The following ARHGEF28 variants were observed in gnomAD, a reference collection of about 807,000 sequenced individuals.
ARHGEF28 encodes the protein Rho guanine nucleotide exchange factor 28.
Under a neutral mutation model 206.6 loss-of-function variants are expected in ARHGEF28, and 152 were observed. That is an observed-to-expected ratio of 0.74 (90% CI 0.64 to 0.84). The LOEUF (loss-of-function observed/expected upper bound fraction) is 0.84. ARHGEF28 is among the 40% of genes least tolerant of loss of function. The probability of loss-of-function intolerance (pLI) is 0.00; values close to 1 mark genes in which losing one functional copy is unlikely to be tolerated. For missense variants in ARHGEF28, 2,028 were observed against 2,073.2 expected, an observed-to-expected ratio of 0.98 and a Z score of 0.42; for synonymous variants, 763 against 776.4, an observed-to-expected ratio of 0.98 and a Z score of 0.29.
At chr5:73,902,737 A>G (rs1207317044) in intron 31 of ARHGEF28, 1 of 152,250 alleles carries the variant, frequency 6.6e-6, no homozygotes. Context: ...TTAAACATTT[A>G]CCACAAGGTG....
intron 35 of ARHGEF28, among the ~76,000 whole-genome samples, chr5:73,929,671 T>C (rs1165748000): frequency 2.0e-5 from 3 of 152,216 alleles, no homozygotes; most frequent in African/African-American, 7.2e-5. Flanking sequence ...ATTTCAGATC[T>C]TCGCCTTTTT....
intron 10 of ARHGEF28, among the ~76,000 whole-genome samples, chr5:73,833,504 A>G (rs150905981): frequency 5.9e-5 from 9 of 152,120 alleles, no homozygotes; most frequent in Middle Eastern, 3.4e-3. Context: ...ATCAGAATGG[A>G]CTTCAGCTGT....
In ARHGEF28 at chr5:73,840,759, A is replaced by C; in HGVS notation, c.1426A>C (p.Ser476Arg). 1 of 1,605,936 alleles carries C rather than the reference A, an allele frequency of 6.2e-7. No homozygotes were observed. Among genetic ancestry groups the C allele is most frequent in the Non-Finnish European group, 8.5e-7 (1 of 1,175,618 alleles). ...GGAACAAAGTCATCTAAAGAAAAGA[A>C]GGTAAGAGTCTATATTGTAGAGGAA... ...EKEQSHLKKRSSSLDALDADS... is the reference protein window; with the variant it reads ...EKEQSHLKKRRSSLDALDADS... Residue 476 changes from serine to arginine, a missense_variant and splice_region_variant, in exon 11 of 36, where the codon AGT becomes CGT. Coordinates refer to ENST00000513042, the MANE Select transcript of ARHGEF28 (RefSeq NM_001177693.2).
At chr5:73,730,067 T>A (rs1428162591) in intron 2 of ARHGEF28, among the ~76,000 whole-genome samples, 1 of 152,228 alleles carries the variant, frequency 6.6e-6, no homozygotes, top group East Asian at 1.9e-4. Context: ...CTAATTCTGA[T>A]CTAAAAACAG....
At position 73,728,733 on chromosome 5, in the gene ARHGEF28, C is replaced by T. The variant is rs192988885; in HGVS notation, c.34-21104C>T. On this transcript the variant is annotated intron_variant, in intron 2 of 35. Transcript: ENST00000513042. ...ATCAGCCATTGAGAGTGCTGCCAAA[C>T]GACTCCAGGTTGAGTAGGTTCTGCA... Among the ~76,000 whole-genome samples the T allele has an allele frequency of 4.1e-3, 627 of 152,272 alleles. 5 individuals carry two copies. The highest frequency in any genetic ancestry group is 5.9e-3 in the African/African-American group (244 of 41,556).
At chr5:73,925,340 C>T (rs949623798) in intron 35 of ARHGEF28, among the ~76,000 whole-genome samples, 1 of 152,228 alleles carries the variant, frequency 6.6e-6, no homozygotes, top group Admixed American at 6.5e-5. Flanking sequence ...ACATCCCCAA[C>T]CTTTTGTACA....
intron 26 of ARHGEF28, among the ~76,000 whole-genome samples, chr5:73,891,576 G>C (rs1429537891): frequency 6.6e-6 from 1 of 150,440 alleles, no homozygotes; most frequent in Non-Finnish European, 1.5e-5. Context: ...GTCTTGCTCT[G>C]TTGCCCAGGC....
chr5:73,748,068 G>A (rs1751828354), intron 2 of ARHGEF28, among the ~76,000 whole-genome samples: 1 of 152,166 alleles, frequency 6.6e-6, no homozygotes, highest in Non-Finnish European at 1.5e-5. Flanking sequence ...GATTCTGCCT[G>A]TGGATAGTTA....
chr5:73,825,968 C>T (rs1756883090), intron 9 of ARHGEF28, among the ~76,000 whole-genome samples: 1 of 152,020 alleles, frequency 6.6e-6, no homozygotes, highest in Non-Finnish European at 1.5e-5. Flanking sequence ...TGTGTGATGC[C>T]ATGCTGTCAG....
intron 2 of ARHGEF28, among the ~76,000 whole-genome samples, chr5:73,687,953 T>A (rs1747573164): frequency 6.6e-6 from 1 of 152,186 alleles, no homozygotes; most frequent in Non-Finnish European, 1.5e-5. Flanking sequence ...TTCAATCTCT[T>A]AATTTTGGTG....
intron 9 of ARHGEF28, among the ~76,000 whole-genome samples, chr5:73,802,311 A>G (rs1755187767): frequency 6.6e-6 from 1 of 152,208 alleles, no homozygotes; most frequent in Admixed American, 6.5e-5. Flanking sequence ...AGTGTACAGA[A>G]TGGGATGAAG....
At chr5:73,833,931 A>G (rs775907511) in intron 10 of ARHGEF28, among the ~76,000 whole-genome samples, 1 of 152,142 alleles carries the variant, frequency 6.6e-6, no homozygotes, top group East Asian at 1.9e-4. Flanking sequence ...TGCCCTTGAC[A>G]CATGGGAATT....
At chr5:73,878,019 T>C (rs1180371363) in intron 22 of ARHGEF28, among the ~76,000 whole-genome samples, 1 of 152,148 alleles carries the variant, frequency 6.6e-6, no homozygotes, top group Non-Finnish European at 1.5e-5. Flanking sequence ...ATGCTGACAG[T>C]GGGGTGTTAA....
intron 7 of ARHGEF28, among the ~76,000 whole-genome samples, chr5:73,783,899 A>G (rs922077865): frequency 6.6e-6 from 1 of 152,230 alleles, no homozygotes; most frequent in Non-Finnish European, 1.5e-5. Flanking sequence ...CAGAAATCCA[A>G]GCCCTCTGAC....
At chr5:73,923,857 G>T (rs1299531472) in intron 35 of ARHGEF28, among the ~76,000 whole-genome samples, 1 of 151,936 alleles carries the variant, frequency 6.6e-6, no homozygotes, top group African/African-American at 2.4e-5. Context: ...CACTAACCCA[G>T]AAAAAAACAC....
intron 2 of ARHGEF28, among the ~76,000 whole-genome samples, chr5:73,742,830 C>CAA (rs373495344): frequency 7.5e-4 from 42 of 56,270 alleles, no homozygotes; most frequent in African/African-American, 1.4e-3. Context: ...GACTCCGTCT[C>CAA]AAAAAAAAAA....
chr5:73,636,208 G>A (rs894089347), intron 1 of ARHGEF28, among the ~76,000 whole-genome samples: 4 of 152,106 alleles, frequency 2.6e-5, no homozygotes, highest in African/African-American at 9.7e-5. Context: ...GATAACTTAG[G>A]TTGTTACAAT....
At chr5:73,742,365 G>A (rs968588843) in intron 2 of ARHGEF28, among the ~76,000 whole-genome samples, 1 of 152,020 alleles carries the variant, frequency 6.6e-6, no homozygotes, top group African/African-American at 2.4e-5. Flanking sequence ...TGTTTGGCAT[G>A]CATGTTTTAT....
chr5:73,845,986 C>CAAAAA (rs57600570), intron 11 of ARHGEF28, among the ~76,000 whole-genome samples: 7 of 63,760 alleles, frequency 1.1e-4, no homozygotes, highest in East Asian at 5.0e-4. Context: ...AAAACTGTCT[C>CAAAAA]AAAAAAAAAA....
Sources: gnomAD v4.1 joint callset for allele counts (sites outside exome capture counted in the v4.1 genomes callset) on GRCh38, gnomAD v4.1.1 for gene constraint, MANE v1.5 for transcripts, NCBI Gene and HGNC (gene_info 2026-07-23, HGNC 2026-07-21) for gene names.